The following SLC4A4 variants were observed in gnomAD, a reference collection of about 807,000 sequenced individuals.
The protein encoded by SLC4A4 is solute carrier family 4 member 4.
Under a neutral mutation model 111.5 loss-of-function variants are expected in SLC4A4, and 27 were observed. The observed-to-expected ratio is 0.24, with a 90% CI of 0.18 to 0.33. The LOEUF is 0.33. Among genes scored for constraint, SLC4A4 ranks in the 10% least tolerant of loss-of-function variants. The pLI, the probability that SLC4A4 is intolerant of heterozygous loss-of-function variation, is 1.00. For missense variants in SLC4A4, 909 were observed against 1,315.5 expected (o/e 0.69, Z 4.78); for synonymous variants, 443 against 463.4 (o/e 0.96, Z 0.57).
chr4:71,424,194 A>C (rs991648239), intron 7 of SLC4A4, among the ~76,000 whole-genome samples: 2 of 152,110 alleles, frequency 1.3e-5, no homozygotes, highest in African/African-American at 4.8e-5. Flanking sequence ...ATGAACAGAC[A>C]CTTCTCAAAA....
At chr4:71,557,993 A>G (rs1159013890) in intron 22 of SLC4A4, 108 bp downstream of exon 22, 9 of 892,358 alleles carry the variant, frequency 1.0e-5, no homozygotes, top group Non-Finnish European at 1.5e-5. Flanking sequence ...AAATTTTTCC[A>G]GCTTTGACCT....
chr4:71,492,398 T>A (rs999604022), intron 15 of SLC4A4, among the ~76,000 whole-genome samples: 9 of 151,976 alleles, frequency 5.9e-5, no homozygotes, highest in African/African-American at 2.2e-4. Flanking sequence ...CCACTCAGTA[T>A]AACAGGGTAA....
intron 6 of SLC4A4, among the ~76,000 whole-genome samples, chr4:71,358,701 C>A (rs1476014356): frequency 6.6e-6 from 1 of 151,920 alleles, no homozygotes; most frequent in Non-Finnish European, 1.5e-5. Flanking sequence ...TTTATGTCTC[C>A]CCTGGCTTTT....
At chr4:71,149,690 A>G (rs1236273580) in intron 2 of SLC4A4, among the ~76,000 whole-genome samples, 1 of 152,184 alleles carries the variant, frequency 6.6e-6, no homozygotes, top group East Asian at 1.9e-4. Flanking sequence ...AAGGAGGGCC[A>G]TGTTTTCCTT....
At chr4:71,537,363 C>CAT (rs1187387046) in intron 18 of SLC4A4, among the ~76,000 whole-genome samples, 10 of 147,294 alleles carry the variant, frequency 6.8e-5, no homozygotes, top group African/African-American at 2.6e-4. Flanking sequence ...TGTATATATA[C>CAT]ATATGTGTGT....
intron 7 of SLC4A4, among the ~76,000 whole-genome samples, chr4:71,418,282 T>A (rs972832398): frequency 3.9e-5 from 6 of 152,196 alleles, no homozygotes; most frequent in African/African-American, 1.4e-4. Flanking sequence ...AAGGAAAAAT[T>A]AGAAAATCAA....
chr4:71,472,617 T>C, intron 13 of SLC4A4, 82 bp from the exon 14 acceptor site: 1 of 1,424,640 alleles, frequency 7.0e-7, no homozygotes, highest in Admixed American at 1.7e-5. Flanking sequence ...TTGTCAATCT[T>C]TCTGTAGACA....
intron 4 of SLC4A4, among the ~76,000 whole-genome samples, chr4:71,346,229 T>C (rs1729317223): frequency 6.6e-6 from 1 of 152,152 alleles, no homozygotes; most frequent in Admixed American, 6.6e-5. Flanking sequence ...AAGTATTTTA[T>C]CATTATTCTT....
intron 2 of SLC4A4, among the ~76,000 whole-genome samples, chr4:71,159,512 T>C (rs549491259): frequency 9.5e-4 from 145 of 152,118 alleles, no homozygotes; most frequent in African/African-American, 3.4e-3. Context: ...TACAGGCATG[T>C]GCCACCACAC....
intron 3 of SLC4A4, among the ~76,000 whole-genome samples, chr4:71,263,783 A>G (rs561681999): frequency 1.6e-4 from 25 of 152,230 alleles, no homozygotes; most frequent in Non-Finnish European, 3.5e-4. Context: ...TAAAACAGAG[A>G]TGAAAGTGCT....
At chr4:71,344,658 C>T (rs749286212) in intron 4 of SLC4A4, among the ~76,000 whole-genome samples, 1 of 152,100 alleles carries the variant, frequency 6.6e-6, no homozygotes, top group African/African-American at 2.4e-5. Context: ...AAATCTACAG[C>T]CCACAGAACT....
chr4:71,201,017 C>T (rs753754824), intron 1 of SLC4A4, among the ~76,000 whole-genome samples: 8 of 152,126 alleles, frequency 5.3e-5, no homozygotes, highest in South Asian at 2.1e-4. Context: ...TTTCCCTGTG[C>T]GAGTTAAGAG....
In SLC4A4 at chr4:71,563,860, C is replaced by G. The variant is rs375680237; in HGVS notation, c.3167C>G (p.Pro1056Arg). ...CCAATGGACATCATGGAACAGCAAC[C>G]TTTCCTAAGCGATAGCAAACCTTCT... is the stretch of plus-strand genomic sequence containing the variant. ...KIPMDIMEQQPFLSDSKPSDR... is the reference protein window; with the variant it reads ...KIPMDIMEQQRFLSDSKPSDR... The change falls in exon 24 of 26, where the codon CCT becomes CGT. Residue 1056 changes from proline to arginine, a missense_variant. By Grantham distance (103) the Pro-to-Arg change is moderately radical. Transcript: ENST00000264485. 2 of 1,610,920 alleles carry G rather than the reference C, an allele frequency of 1.2e-6. No homozygotes were observed. Among genetic ancestry groups the G allele is most frequent in the Non-Finnish European group, 8.5e-7 (1 of 1,177,800 alleles).
chr4:71,476,057 AG>A (rs1728342818), intron 14 of SLC4A4, among the ~76,000 whole-genome samples: 1 of 151,806 alleles, frequency 6.6e-6, no homozygotes, highest in Admixed American at 6.6e-5. Flanking sequence ...GAATTTTTTA[AG>A]TCTATGGAGA....
At chr4:71,554,453 T>C (rs1176813817) in intron 20 of SLC4A4, among the ~76,000 whole-genome samples, 8 of 151,858 alleles carry the variant, frequency 5.3e-5, no homozygotes, top group Admixed American at 5.3e-4. Flanking sequence ...TTCTCCTTGT[T>C]AAAACACTTT....
At chr4:71,455,763 T>C (rs573715082) in intron 12 of SLC4A4, among the ~76,000 whole-genome samples, 13 of 152,274 alleles carry the variant, frequency 8.5e-5, no homozygotes, top group African/African-American at 2.9e-4. Flanking sequence ...TTGAATTGAA[T>C]TGTAATTCTT....
rs72501264 is a variant in SLC4A4, at chr4:71,279,697, C to T, written c.253+24298C>T. ...TACAGCTGATTTTTTGAGGAACTTC[C>T]ATTCTGTGTTCTATAATGGCTGTCT... On this transcript the variant is annotated intron_variant, in intron 3 of 25. Coordinates refer to ENST00000264485, the MANE Select transcript of SLC4A4 (RefSeq NM_001098484.3). 3.9e-5 allele frequency among the ~76,000 whole-genome samples: 6 copies of T among 152,074 alleles called. No homozygotes were observed. In the East Asian group the frequency reaches 1.2e-3, roughly 29 times the overall value.
chr4:71,195,229 AGTT>A, intron 1 of SLC4A4, among the ~76,000 whole-genome samples: 1 of 103,976 alleles, frequency 9.6e-6, no homozygotes. Context: ...CCTGTATTTG[AGTT>A]TTTTTTTTTT....
intron 1 of SLC4A4, among the ~76,000 whole-genome samples, chr4:71,187,779 C>T (rs572951758): frequency 6.8e-4 from 103 of 152,070 alleles, no homozygotes; most frequent in Non-Finnish European, 1.0e-3. Context: ...TGGGTGGTCG[C>T]CCTGTGACCA....
Sources: gnomAD v4.1 joint callset for allele counts (sites outside exome capture counted in the v4.1 genomes callset) on GRCh38, gnomAD v4.1.1 for gene constraint, MANE v1.5 for transcripts, NCBI Gene and HGNC (gene_info 2026-07-23, HGNC 2026-07-21) for gene names.